ANK3: variants seen among roughly 807,000 people sequenced by gnomAD.
The protein encoded by ANK3 is ankyrin-3.
A neutral mutation model predicts 370.9 loss-of-function variants in ANK3; 57 were observed. The ratio of observed to expected loss-of-function variants is 0.15; its 90% CI spans 0.12 to 0.19. The LOEUF is 0.19. Among genes scored for constraint, ANK3 ranks in the 10% least tolerant of loss-of-function variants. ANK3 has a pLI of 1.00. For missense variants in ANK3, 4,439 were observed against 5,302.1 expected (o/e 0.84, Z 5.06); for synonymous variants, 1,929 against 1,946.3 (o/e 0.99, Z 0.23).
At chr10:60,574,981 T>C (rs770325306) in intron 2 of ANK3, among the ~76,000 whole-genome samples, 1 of 151,938 alleles carries the variant, frequency 6.6e-6, no homozygotes, top group Non-Finnish European at 1.5e-5. Flanking sequence ...CAAAAACAAC[T>C]GAGGGGGTAT....
At chr10:60,446,269 G>A (rs979132849) in intron 2 of ANK3, among the ~76,000 whole-genome samples, 10 of 152,094 alleles carry the variant, frequency 6.6e-5, no homozygotes, top group African/African-American at 2.4e-4. Flanking sequence ...CGTCACATTG[G>A]AATGCACTCA....
At chr10:60,044,277 G>A (rs939948964) in intron 42 of ANK3, 40 of 984,806 alleles carry the variant, frequency 4.1e-5, no homozygotes, top group Non-Finnish European at 3.7e-5. Flanking sequence ...TTCTGGTGAT[G>A]AGGTTGCCTT....
intron 2 of ANK3, among the ~76,000 whole-genome samples, chr10:60,464,564 C>T (rs1316357008): frequency 2.6e-5 from 4 of 152,148 alleles, no homozygotes; most frequent in Non-Finnish European, 4.4e-5. Flanking sequence ...AGAGAACCCC[C>T]GATGTAATGT....
At chr10:60,473,851 G>A (rs951518503) in intron 2 of ANK3, among the ~76,000 whole-genome samples, 4 of 151,702 alleles carry the variant, frequency 2.6e-5, no homozygotes, top group African/African-American at 7.3e-5. Context: ...GAATAAACAG[G>A]CTAGGTGCAG....
intron 1 of ANK3, among the ~76,000 whole-genome samples, chr10:60,295,472 T>C (rs1423991760): frequency 6.6e-6 from 1 of 152,164 alleles, no homozygotes; most frequent in Non-Finnish European, 1.5e-5. Flanking sequence ...TTATTTTAAG[T>C]TAATATTCTA....
chr10:60,410,310 A>T (rs1175362949), intron 2 of ANK3, among the ~76,000 whole-genome samples: 1 of 151,974 alleles, frequency 6.6e-6, no homozygotes, highest in Non-Finnish European at 1.5e-5. Context: ...CATTACTCAT[A>T]GTTGCAACTT....
chr10:60,550,182 T>C (rs774166042), intron 2 of ANK3, among the ~76,000 whole-genome samples: 1 of 151,922 alleles, frequency 6.6e-6, no homozygotes, highest in Non-Finnish European at 1.5e-5. Flanking sequence ...AATATGACAT[T>C]CATATCTTTA....
At chr10:60,151,669 C>T (rs897849734) in intron 23 of ANK3, among the ~76,000 whole-genome samples, 2 of 152,180 alleles carry the variant, frequency 1.3e-5, no homozygotes. Flanking sequence ...CAAAATAAAC[C>T]TCTTTTCATT....
At chr10:60,292,866 C>T (rs1401029518) in intron 1 of ANK3, among the ~76,000 whole-genome samples, 1 of 152,054 alleles carries the variant, frequency 6.6e-6, no homozygotes, top group Non-Finnish European at 1.5e-5. Flanking sequence ...CACAACCACG[C>T]CCGACTAATT....
chr10:60,144,871 G>T (rs1370301870), intron 23 of ANK3, among the ~76,000 whole-genome samples: 3 of 152,100 alleles, frequency 2.0e-5, no homozygotes, highest in South Asian at 4.1e-4. Flanking sequence ...GCCCCCTAAT[G>T]ATCCTTTTTC....
Position 60,240,107 on chromosome 10 carries a change from T to TATACAC in ANK3, c.799-5322_799-5321insGTGTAT, listed in dbSNP as rs1555185112. 5.1e-3 allele frequency among the ~76,000 whole-genome samples: 590 copies of TATACAC among 114,588 alleles called. 5 individuals are homozygous for TATACAC. The highest frequency in any genetic ancestry group is 6.2e-3 in the Non-Finnish European group (358 of 57,730). The allele number at this position is 114,588 out of a possible 152,430, so 75.2% of individuals were successfully genotyped here. A position where few individuals can be genotyped will look rare whatever the true frequency, so the allele number is the denominator to read the frequency against. On this transcript the variant is annotated intron_variant, in intron 7 of 43. Coordinates refer to ENST00000280772, the MANE Select transcript of ANK3 (RefSeq NM_020987.5). Reference sequence around the variant, plus strand: ...TACACTATATATACACACACATAAATACATATATATACACACATATATATA... The same window carrying TATACAC: ...TACACTATATATACACACACATAAATATACACACATATATATACACACATATATATA...
At chr10:60,654,094 ATC>A (rs1355326851) in intron 1 of ANK3, among the ~76,000 whole-genome samples, 2 of 152,280 alleles carry the variant, frequency 1.3e-5, no homozygotes, top group East Asian at 1.9e-4. Context: ...TTGTAAATGA[ATC>A]TGTTTTTGTA....
chr10:60,491,464 T>C (rs941429051), intron 2 of ANK3, among the ~76,000 whole-genome samples: 8 of 152,208 alleles, frequency 5.3e-5, no homozygotes, highest in Non-Finnish European at 1.2e-4. Context: ...TTGAGAGAAA[T>C]GTTGACTCAT....
At position 60,042,654 on chromosome 10, in the gene ANK3, G is replaced by A. The variant is rs2076308643; in HGVS notation, c.*19+18C>T. ...CAGGAATTTAAGTCCTACTGTTGTT[G>A]ATATGAACACACCTCACCTTGACTG... On this transcript the variant is annotated intron_variant, in intron 43 of 43. Coordinates refer to ENST00000280772, the MANE Select transcript of ANK3 (RefSeq NM_020987.5). 6.2e-7 allele frequency: 1 copy of A among 1,604,928 alleles called. No individual in the cohort carries two copies. Among genetic ancestry groups the A allele is most frequent in the Middle Eastern group, 1.7e-4 (1 of 6,038 alleles).
chr10:60,445,950 C>A (rs1284773803), intron 2 of ANK3, among the ~76,000 whole-genome samples: 1 of 152,226 alleles, frequency 6.6e-6, no homozygotes, highest in African/African-American at 2.4e-5. Context: ...AATGTAACCA[C>A]TGGCATTTGT....
chr10:60,353,967 C>A (rs1308351676), intron 1 of ANK3, among the ~76,000 whole-genome samples: 1 of 152,214 alleles, frequency 6.6e-6, no homozygotes, highest in Non-Finnish European at 1.5e-5. Flanking sequence ...GCTTGGCTTG[C>A]GCATCTCCAT....
chr10:60,473,407 C>T (rs748379125), intron 2 of ANK3, among the ~76,000 whole-genome samples: 2 of 152,098 alleles, frequency 1.3e-5, no homozygotes, highest in Non-Finnish European at 2.9e-5. Context: ...CTTCCAGATG[C>T]CTAAGTATTC....
At chr10:60,268,513 T>G (rs548469145) in intron 5 of ANK3, among the ~76,000 whole-genome samples, 82 of 152,292 alleles carry the variant, frequency 5.4e-4, no homozygotes, top group African/African-American at 2.0e-3. Flanking sequence ...TAGTTCTGAA[T>G]AAACAGGATT....
At chr10:60,697,656 G>A (rs2079481009) in intron 1 of ANK3, among the ~76,000 whole-genome samples, 1 of 148,194 alleles carries the variant, frequency 6.7e-6, no homozygotes, top group South Asian at 2.2e-4. Context: ...AATGGGGAAA[G>A]GATTCCCTAT....
Sources: gnomAD v4.1 joint callset for allele counts (sites outside exome capture counted in the v4.1 genomes callset) on GRCh38, gnomAD v4.1.1 for gene constraint, MANE v1.5 for transcripts, NCBI Gene and HGNC (gene_info 2026-07-23, HGNC 2026-07-21) for gene names.